The following EML6 variants were observed in gnomAD, a reference collection of about 807,000 sequenced individuals.
EML6 encodes EMAP like 6.
EML6 carries 154 observed loss-of-function variants against 240.1 expected under a neutral mutation model. The observed-to-expected ratio is 0.64, with a 90% CI of 0.56 to 0.73. The LOEUF is 0.73. EML6 is among the 30% of genes least tolerant of loss of function. The probability of loss-of-function intolerance (pLI) is 0.00; values close to 1 mark genes in which losing one functional copy is unlikely to be tolerated. For missense variants in EML6, 2,964 were observed against 2,474.6 expected, an observed-to-expected ratio of 1.20 and a Z score of -4.20; for synonymous variants, 1,148 against 899.0, an observed-to-expected ratio of 1.28 and a Z score of -4.95.
chr2:54,911,143 T>A, intron 25 of EML6, 101 bp downstream of exon 25: 1 of 589,482 alleles, frequency 1.7e-6, no homozygotes, highest in Non-Finnish European at 3.0e-6. Context: ...GGGTTATATT[T>A]ACTATACCTT....
At chr2:54,905,617 G>A (rs1490315427) in intron 24 of EML6, among the ~76,000 whole-genome samples, 1 of 152,080 alleles carries the variant, frequency 6.6e-6, no homozygotes, top group Non-Finnish European at 1.5e-5. Context: ...ACACTGTTGT[G>A]CAACCATCAC....
chr2:54,909,312 A>G (rs1032357792), intron 24 of EML6, among the ~76,000 whole-genome samples: 2 of 152,210 alleles, frequency 1.3e-5, no homozygotes, highest in African/African-American at 4.8e-5. Context: ...TATAATTCTA[A>G]ATAGTCAAAG....
At chr2:54,936,086 AT>A (rs1675120632) in intron 28 of EML6, among the ~76,000 whole-genome samples, 1 of 152,222 alleles carries the variant, frequency 6.6e-6, no homozygotes, top group South Asian at 2.1e-4. Context: ...AGAGGTTTTC[AT>A]TATCACATTA....
At position 54,914,483 on chromosome 2, in the gene EML6, T is replaced by C. The variant is rs144027864; in HGVS notation, c.3499-2276T>C. 4.6e-4 allele frequency among the ~76,000 whole-genome samples: 70 copies of C among 152,342 alleles called. 2 individuals carry two copies. The East Asian group carries it at 0.012, about 26-fold the overall frequency. Reference sequence around the variant, plus strand: ...AGGCTGGCTTGGAACAGATGAGCAATTATTATATAAAAGATAATGCACAAA... The same window carrying C: ...AGGCTGGCTTGGAACAGATGAGCAACTATTATATAAAAGATAATGCACAAA... On this transcript the variant is annotated intron_variant, in intron 25 of 41. Coordinates refer to ENST00000356458, the MANE Select transcript of EML6 (RefSeq NM_001039753.4).
At chr2:54,936,237 T>C (rs1176889115) in intron 28 of EML6, among the ~76,000 whole-genome samples, 1 of 152,258 alleles carries the variant, frequency 6.6e-6, no homozygotes, top group Non-Finnish European at 1.5e-5. Flanking sequence ...AACATTCTTT[T>C]TGATAATTGA....
At chr2:54,846,241 C>G (rs927592242) in intron 8 of EML6, among the ~76,000 whole-genome samples, 4 of 152,098 alleles carry the variant, frequency 2.6e-5, no homozygotes, top group Non-Finnish European at 4.4e-5. Context: ...ATTTGCTCTT[C>G]TTCATCTTGG....
chr2:54,833,661 G>T (rs538960747), intron 7 of EML6, among the ~76,000 whole-genome samples: 69 of 152,276 alleles, frequency 4.5e-4, no homozygotes, highest in African/African-American at 1.5e-3. Context: ...ACATGATGAG[G>T]AGGGCCATCC....
intron 17 of EML6, among the ~76,000 whole-genome samples, chr2:54,884,771 A>C (rs542317406): frequency 1.3e-5 from 2 of 152,382 alleles, no homozygotes; most frequent in South Asian, 4.1e-4. Context: ...ACAATCTTTT[A>C]TCTCTAGGAA....
intron 8 of EML6, among the ~76,000 whole-genome samples, 172 bp from the exon 9 acceptor site, chr2:54,847,314 A>G (rs1669817336): frequency 6.6e-6 from 1 of 152,160 alleles, no homozygotes; most frequent in South Asian, 2.1e-4. Context: ...CCAAAGATGC[A>G]CTAAAACACC....
In EML6 at chr2:54,962,513, A is replaced by T. The variant is rs1676565936; in HGVS notation, c.4969-10A>T. ...TTGTCCTTTTTCTAATAGTGTTTCA[A>T]TTACAACAGGGAAAAATCTTAGTGG... On this transcript the variant is annotated splice_polypyrimidine_tract_variant and intron_variant, in intron 35 of 41. Transcript: ENST00000356458. 6.5e-7 allele frequency: 1 copy of T among 1,536,768 alleles called. No individual in the cohort carries two copies. The highest frequency in any genetic ancestry group is 8.8e-7 in the Non-Finnish European group (1 of 1,139,168).
chr2:54,803,073 A>G (rs1038813363), intron 2 of EML6, among the ~76,000 whole-genome samples: 1 of 152,170 alleles, frequency 6.6e-6, no homozygotes, highest in Non-Finnish European at 1.5e-5. Context: ...AATATTACAT[A>G]TGATCCTCAT....
chr2:54,791,548 G>A (rs1280881938), intron 2 of EML6, among the ~76,000 whole-genome samples: 1 of 152,166 alleles, frequency 6.6e-6, no homozygotes. Flanking sequence ...TCTAGTTCCA[G>A]TCAGTGGATT....
intron 28 of EML6, among the ~76,000 whole-genome samples, chr2:54,933,775 A>G (rs1674987463): frequency 6.6e-6 from 1 of 151,986 alleles, no homozygotes; most frequent in South Asian, 2.1e-4. Flanking sequence ...CCACTATCCT[A>G]TATGTAATTT....
chr2:54,815,957 A>G (rs1668062910), intron 3 of EML6, among the ~76,000 whole-genome samples: 1 of 152,246 alleles, frequency 6.6e-6, no homozygotes, highest in African/African-American at 2.4e-5. Context: ...CCAATAATGC[A>G]GAAGGAATGA....
rs183028182 is a variant in EML6, at chr2:54,842,152, T to C, written c.848-1895T>C. Among the ~76,000 whole-genome samples, 263 of 152,294 alleles carry C rather than the reference T, an allele frequency of 1.7e-3. 8 individuals carry two copies. In the South Asian group the frequency reaches 0.043, roughly 25 times the overall value. On this transcript the variant is annotated intron_variant, in intron 7 of 41. Transcript: ENST00000356458. ...TATTCTGTGGGTTTTGACAAATGTG[T>C]AATGACATGTCTCCACCATTATAGT...
chr2:54,961,184 G>GTTGTTTTTTTTTGTTTTTTTTTT, intron 35 of EML6, among the ~76,000 whole-genome samples: 1 of 55,422 alleles, frequency 1.8e-5, no homozygotes, highest in African/African-American at 8.1e-5. Context: ...TCAGGAAGTA[G>GTTGTTTTTTTTTGTTTTTTTTTT]TTTTTTTTTT....
At chr2:54,827,456 C>T in intron 5 of EML6, 110 bp from the exon 6 acceptor site, 1 of 865,808 alleles carries the variant, frequency 1.2e-6, no homozygotes, top group South Asian at 1.8e-5. Context: ...TTATTTGTGC[C>T]TAGCTTGGAT....
intron 26 of EML6, 25 bp downstream of exon 26, chr2:54,916,960 T>C (rs1371434951): frequency 2.4e-5 from 36 of 1,503,006 alleles, no homozygotes; most frequent in Non-Finnish European, 3.3e-5. Context: ...TTATTATCTT[T>C]ACTTGCTCAG....
At chr2:54,807,320 A>G (rs1169581731) in intron 2 of EML6, among the ~76,000 whole-genome samples, 1 of 152,224 alleles carries the variant, frequency 6.6e-6, no homozygotes, top group Non-Finnish European at 1.5e-5. Flanking sequence ...ATCAGCCAAC[A>G]TTTGTGTTGG....
Sources: allele counts gnomAD v4.1 joint callset (sites outside exome capture counted in the v4.1 genomes callset), GRCh38; gene constraint gnomAD v4.1.1; transcripts MANE v1.5; gene names NCBI Gene and HGNC (gene_info 2026-07-23, HGNC 2026-07-21).